Variants in TMEM131 observed in about 807,000 individuals in gnomAD.
TMEM131 encodes transmembrane protein 131.
TMEM131 carries 66 observed loss-of-function variants against 211.6 expected under a neutral mutation model. That is an observed-to-expected ratio of 0.31 (90% CI 0.26 to 0.38). The LOEUF (loss-of-function observed/expected upper bound fraction) is 0.38, where lower values mean the gene tolerates loss of function less well. Ranked by LOEUF, TMEM131 falls within the 10% of genes least tolerant of loss-of-function variation. The probability of loss-of-function intolerance (pLI) is 1.00; values close to 1 mark genes in which losing one functional copy is unlikely to be tolerated. For synonymous variants in TMEM131, 844 were observed against 841.3 expected (o/e 1.00, Z -0.06); for missense variants, 2,036 against 2,299.3 (o/e 0.89, Z 2.34).
chr2:97,992,989 T>A (rs959461826), intron 1 of TMEM131, among the ~76,000 whole-genome samples: 1 of 152,188 alleles, frequency 6.6e-6, no homozygotes, highest in South Asian at 2.1e-4. Context: ...TTAAGTCATA[T>A]AGGATGTTAA....
At chr2:97,885,299 C>T (rs1675104709) in intron 4 of TMEM131, among the ~76,000 whole-genome samples, 1 of 102,526 alleles carries the variant, frequency 9.8e-6, no homozygotes, top group Non-Finnish European at 2.2e-5. Context: ...CCGGTCCATT[C>T]TCCTGCCTCA....
intron 11 of TMEM131, among the ~76,000 whole-genome samples, chr2:97,824,462 C>G (rs545000652): frequency 6.6e-6 from 1 of 152,344 alleles, no homozygotes; most frequent in South Asian, 2.1e-4. Flanking sequence ...CAGCCTGTAA[C>G]CAGGTATTTC....
intron 11 of TMEM131, among the ~76,000 whole-genome samples, chr2:97,831,192 C>T (rs1372263825): frequency 1.3e-5 from 2 of 152,214 alleles, no homozygotes; most frequent in Non-Finnish European, 2.9e-5. Context: ...TCACTCTCCA[C>T]AAAGTAGCTA....
chr2:97,758,720 C>T (rs1471340800), intron 40 of TMEM131, among the ~76,000 whole-genome samples, 173 bp downstream of exon 40: 2 of 152,246 alleles, frequency 1.3e-5, no homozygotes, highest in South Asian at 2.1e-4. Flanking sequence ...ATCGATCAGT[C>T]ATTTTGACAG....
intron 1 of TMEM131, among the ~76,000 whole-genome samples, chr2:97,972,653 G>A (rs974571706): frequency 6.6e-6 from 1 of 152,180 alleles, no homozygotes; most frequent in Non-Finnish European, 1.5e-5. Flanking sequence ...ACATGGCAAA[G>A]GGGAATTAAG....
intron 32 of TMEM131, among the ~76,000 whole-genome samples, chr2:97,772,860 A>G (rs2104805067): frequency 6.6e-6 from 1 of 152,356 alleles, no homozygotes; most frequent in East Asian, 1.9e-4. Flanking sequence ...TCATGCCACT[A>G]AACTCAGCCT....
intron 5 of TMEM131, among the ~76,000 whole-genome samples, chr2:97,857,115 T>C (rs1559405048): frequency 6.6e-6 from 1 of 152,252 alleles, no homozygotes; most frequent in Non-Finnish European, 1.5e-5. Flanking sequence ...TTAGTAGCCT[T>C]TAGCCTATGT....
At chr2:97,927,609 G>A in intron 1 of TMEM131, 122 bp from the exon 2 acceptor site, 1 of 655,832 alleles carries the variant, frequency 1.5e-6, no homozygotes. Flanking sequence ...TAATGGTGAT[G>A]GTTGAAAAGA....
At chr2:97,891,221 T>C (rs1189291812) in intron 3 of TMEM131, among the ~76,000 whole-genome samples, 1 of 152,210 alleles carries the variant, frequency 6.6e-6, no homozygotes, top group Non-Finnish European at 1.5e-5. Flanking sequence ...GTGGTGGCCT[T>C]TGCTAATATC....
At chr2:97,796,030 A>AT (rs768165769) in intron 28 of TMEM131, among the ~76,000 whole-genome samples, 188 bp downstream of exon 28, 1 of 152,166 alleles carries the variant, frequency 6.6e-6, no homozygotes, top group African/African-American at 2.4e-5. Context: ...TTAACCAAAG[A>AT]TTAAGTGAAA....
chr2:97,898,364 G>A (rs1275757158), intron 3 of TMEM131, among the ~76,000 whole-genome samples: 3 of 151,902 alleles, frequency 2.0e-5, no homozygotes, highest in Non-Finnish European at 4.4e-5. Flanking sequence ...CACCCCACCC[G>A]CTACCTCCAA....
intron 4 of TMEM131, among the ~76,000 whole-genome samples, chr2:97,865,752 C>G (rs1224566600): frequency 1.3e-5 from 2 of 152,170 alleles, no homozygotes; most frequent in Non-Finnish European, 2.9e-5. Flanking sequence ...ATCTAACAGA[C>G]TAAGCTGGGA....
intron 32 of TMEM131, among the ~76,000 whole-genome samples, chr2:97,774,099 C>T (rs564579955): frequency 2.1e-4 from 32 of 152,368 alleles, no homozygotes; most frequent in African/African-American, 7.2e-4. Context: ...ATCTATTTAA[C>T]TGTCAAGAGT....
At chr2:97,843,913 T>G (rs900900642) in intron 6 of TMEM131, among the ~76,000 whole-genome samples, 1 of 152,210 alleles carries the variant, frequency 6.6e-6, no homozygotes. Context: ...TTCACTATTC[T>G]TTTGTCAATC....
chr2:97,761,823 G>C (rs941063809), intron 36 of TMEM131: 6 of 528,216 alleles, frequency 1.1e-5, no homozygotes, highest in Non-Finnish European at 1.6e-5. Context: ...AGAATGAATG[G>C]ATTAGAATGG....
chr2:97,917,517 T>G (rs1676556919), intron 2 of TMEM131, among the ~76,000 whole-genome samples: 1 of 152,318 alleles, frequency 6.6e-6, no homozygotes, highest in Non-Finnish European at 1.5e-5. Context: ...GTTCTCACAC[T>G]GCTAATAAAG....
In TMEM131 at chr2:97,805,224, C is replaced by CT. The variant is rs763160101; in HGVS notation, c.2285-20dup. ...GGTTCAGCTAAAACAAGGAAACATA[C>CT]TTAACCTGCATCTATACTCACTTGT... On this transcript the variant is annotated intron_variant, in intron 21 of 40. Transcript: ENST00000186436. The CT allele has an allele frequency of 2.1e-5, 33 of 1,603,250 alleles. No individual in the cohort carries two copies. The highest frequency in any genetic ancestry group is 2.7e-5 in the Non-Finnish European group (32 of 1,173,072).
intron 2 of TMEM131, among the ~76,000 whole-genome samples, chr2:97,917,202 C>T (rs750843760): frequency 7.9e-5 from 12 of 152,288 alleles, no homozygotes; most frequent in South Asian, 6.2e-4. Flanking sequence ...CATACTGTTA[C>T]GGCAGCTTTC....
intron 5 of TMEM131, among the ~76,000 whole-genome samples, chr2:97,850,205 G>GA (rs1310555153): frequency 1.3e-5 from 2 of 150,982 alleles, no homozygotes; most frequent in East Asian, 1.9e-4. Flanking sequence ...ATGAGAAAAA[G>GA]AAAAAAAAGA....
Sources: allele counts gnomAD v4.1 joint callset (sites outside exome capture counted in the v4.1 genomes callset), GRCh38; gene constraint gnomAD v4.1.1; transcripts MANE v1.5; gene names NCBI Gene and HGNC (gene_info 2026-07-23, HGNC 2026-07-21).